Variants in RALYL observed in about 807,000 individuals in gnomAD.
RALYL encodes RNA-binding Raly-like protein.
In RALYL, 29 loss-of-function variants were observed where a neutral mutation model predicts 35.1. The observed-to-expected ratio is 0.83, with a 90% CI of 0.61 to 1.13. The LOEUF is 1.13. RALYL is among the 50% of genes most tolerant of loss of function. The pLI is 0.00. For missense variants in RALYL, 359 were observed against 360.4 expected (o/e 1.00, Z 0.03); for synonymous variants, 120 against 127.6 (o/e 0.94, Z 0.40).
chr8:84,660,687 T>A (rs1394674589), intron 2 of RALYL, among the ~76,000 whole-genome samples: 1 of 151,998 alleles, frequency 6.6e-6, no homozygotes, highest in Non-Finnish European at 1.5e-5. Flanking sequence ...AGGAGGATTC[T>A]ATTTTTAAAA....
Position 84,578,372 on chromosome 8 carries a change from A to C in RALYL, c.256+48795A>C, listed in dbSNP as rs147227414. On this transcript the variant is annotated intron_variant, in intron 2 of 8. Transcript: ENST00000521268. ...CACAGCCCTGGCTCAGGGATCACCT[A>C]GGTCTGGGCTCCCAAAGGGCTGCAG... Among the ~76,000 whole-genome samples the C allele has an allele frequency of 1.1e-4, 17 of 152,328 alleles. No individual in the cohort carries two copies. In the East Asian group the frequency reaches 3.1e-3, roughly 28 times the overall value.
chr8:84,459,069 T>C (rs2050455097), intron 1 of RALYL, among the ~76,000 whole-genome samples: 1 of 151,718 alleles, frequency 6.6e-6, no homozygotes, highest in Non-Finnish European at 1.5e-5. Context: ...GAAGTAAAAA[T>C]AATTAAGTCA....
intron 1 of RALYL, among the ~76,000 whole-genome samples, chr8:84,507,446 A>G (rs2057269126): frequency 6.6e-6 from 1 of 152,116 alleles, no homozygotes; most frequent in African/African-American, 2.4e-5. Context: ...GTTCGGTGAG[A>G]TAAACGATCA....
At chr8:84,664,777 G>T (rs946167404) in intron 2 of RALYL, among the ~76,000 whole-genome samples, 6 of 152,084 alleles carry the variant, frequency 3.9e-5, no homozygotes, top group Non-Finnish European at 5.9e-5. Context: ...TACAAACAGG[G>T]ATGGTTTGAC....
chr8:84,608,438 C>G (rs553421438), intron 2 of RALYL, among the ~76,000 whole-genome samples: 19 of 152,066 alleles, frequency 1.2e-4, no homozygotes, highest in African/African-American at 4.6e-4. Flanking sequence ...AGTGGAGATG[C>G]GATTGCTGTT....
chr8:84,390,635 T>C (rs1252824783), intron 1 of RALYL, among the ~76,000 whole-genome samples: 2 of 152,006 alleles, frequency 1.3e-5, no homozygotes, highest in East Asian at 3.9e-4. Flanking sequence ...TGTGTAGAGG[T>C]GTTTGTAGTA....
At chr8:84,668,532 A>G (rs984372376) in intron 2 of RALYL, among the ~76,000 whole-genome samples, 1 of 152,162 alleles carries the variant, frequency 6.6e-6, no homozygotes, top group Non-Finnish European at 1.5e-5. Flanking sequence ...TGGAAGTTCC[A>G]ACATTATGCT....
At chr8:84,197,414 A>G (rs1815593997) in intron 1 of RALYL, among the ~76,000 whole-genome samples, 1 of 152,206 alleles carries the variant, frequency 6.6e-6, no homozygotes, top group Admixed American at 6.5e-5. Flanking sequence ...CTTTCATACA[A>G]AGAAGATAAT....
chr8:84,807,789 T>G (rs1377857656), intron 4 of RALYL, among the ~76,000 whole-genome samples: 1 of 152,244 alleles, frequency 6.6e-6, no homozygotes. Context: ...TTTTTTCATA[T>G]GTTTCTTGGC....
intron 1 of RALYL, among the ~76,000 whole-genome samples, chr8:84,197,473 A>T (rs1332900699): frequency 6.6e-6 from 1 of 152,192 alleles, no homozygotes; most frequent in Non-Finnish European, 1.5e-5. Context: ...CATTTTTGAG[A>T]TGAATGGTGA....
chr8:84,437,854 C>G (rs2047908376), intron 1 of RALYL, among the ~76,000 whole-genome samples: 1 of 152,066 alleles, frequency 6.6e-6, no homozygotes, highest in African/African-American at 2.4e-5. Flanking sequence ...TGCCTTTCAC[C>G]ATGATTGTAA....
At chr8:84,216,798 A>G (rs1472062043) in intron 1 of RALYL, among the ~76,000 whole-genome samples, 1 of 152,178 alleles carries the variant, frequency 6.6e-6, no homozygotes, top group Admixed American at 6.6e-5. Context: ...ATCTATTTAC[A>G]TTTAAACAGC....
rs908826698 is a variant in RALYL, at chr8:84,735,817, A to T, written c.257-38762A>T. Among the ~76,000 whole-genome samples, 343 of 131,832 alleles carry T rather than the reference A, an allele frequency of 2.6e-3. 1 individual carries two copies. The highest frequency in any genetic ancestry group is 8.5e-3 in the African/African-American group (217 of 25,520). The allele number at this position is 131,832 out of a possible 152,430, so 86.5% of individuals were successfully genotyped here. ...CTTAAGATCATCCAAACCGCGAGAG[A>T]GAGAGAGAGAGAGAGAGAGAGAGAG... On this transcript the variant is annotated intron_variant, in intron 2 of 8. Coordinates refer to ENST00000521268, the MANE Select transcript of RALYL (RefSeq NM_173848.7).
intron 1 of RALYL, among the ~76,000 whole-genome samples, chr8:84,240,845 CT>C (rs768975165): frequency 7.9e-5 from 12 of 152,036 alleles, no homozygotes; most frequent in Non-Finnish European, 1.5e-4. Flanking sequence ...AAGATGTGTT[CT>C]TTTAAAAATC....
At chr8:84,543,115 A>T (rs1399383904) in intron 2 of RALYL, among the ~76,000 whole-genome samples, 1 of 152,082 alleles carries the variant, frequency 6.6e-6, no homozygotes, top group Non-Finnish European at 1.5e-5. Flanking sequence ...ATTATTAATT[A>T]TATCTAGAGG....
At chr8:84,664,009 G>T (rs1831425717) in intron 2 of RALYL, among the ~76,000 whole-genome samples, 1 of 152,052 alleles carries the variant, frequency 6.6e-6, no homozygotes, top group Non-Finnish European at 1.5e-5. Flanking sequence ...GTAAGGAAGG[G>T]GTCCAGTTTC....
chr8:84,450,232 G>C (rs1479098), intron 1 of RALYL, among the ~76,000 whole-genome samples: 2 of 151,570 alleles, frequency 1.3e-5, no homozygotes, highest in African/African-American at 2.4e-5. Context: ...ATATATATTA[G>C]GGAATGATTA....
intron 2 of RALYL, among the ~76,000 whole-genome samples, chr8:84,598,383 T>C (rs1815100785): frequency 6.6e-6 from 1 of 152,122 alleles, no homozygotes; most frequent in African/African-American, 2.4e-5. Flanking sequence ...GAAGGAGTAT[T>C]GAGATCATCT....
intron 2 of RALYL, among the ~76,000 whole-genome samples, chr8:84,594,401 A>C (rs920706449): frequency 2.0e-5 from 3 of 151,958 alleles, no homozygotes; most frequent in African/African-American, 7.2e-5. Context: ...TTCTTTTTTG[A>C]TCCAAAGTGA....
Sources: allele counts gnomAD v4.1 joint callset (sites outside exome capture counted in the v4.1 genomes callset), GRCh38; gene constraint gnomAD v4.1.1; transcripts MANE v1.5; gene names NCBI Gene and HGNC (gene_info 2026-07-23, HGNC 2026-07-21).